The following MYH16 variants were observed in gnomAD, a reference collection of about 807,000 sequenced individuals.
MYH16 encodes the protein myosin heavy chain 16.
chr7:99,285,657 C>T (rs1043628490), intron 27 of MYH16, among the ~76,000 whole-genome samples: 12 of 152,168 alleles, frequency 7.9e-5, no homozygotes, highest in African/African-American at 2.9e-4. Flanking sequence ...GGCTTGAGTC[C>T]AGAGGAGAAG....
At chr7:99,273,377 A>G in exon 20 of MYH16, 1 of 456,740 alleles carries the variant, frequency 2.2e-6, no homozygotes, top group Non-Finnish European at 4.4e-6. Flanking sequence ...AACGTGCACA[A>G]GTTCCTGCAG....
chr7:99,246,251 AAAAAAACAGGT>A (rs1791728762), intron 2 of MYH16, among the ~76,000 whole-genome samples: 1 of 151,884 alleles, frequency 6.6e-6, no homozygotes, highest in African/African-American at 2.4e-5. Flanking sequence ...AGAAAGAAAG[AAAAAAACAGGT>A]AAAAAACAGG....
At chr7:99,274,669 CTTTTTT>C (rs745470963) in intron 20 of MYH16, among the ~76,000 whole-genome samples, 2 of 117,564 alleles carry the variant, frequency 1.7e-5, no homozygotes, top group African/African-American at 7.9e-5. Flanking sequence ...CATTAATTCA[CTTTTTT>C]TTTTTTTTTT....
chr7:99,259,287 T>C (rs919497447), intron 11 of MYH16, among the ~76,000 whole-genome samples: 6 of 152,120 alleles, frequency 3.9e-5, no homozygotes, highest in Admixed American at 2.0e-4. Flanking sequence ...TTTCCATCCC[T>C]GGAAAGAAAA....
intron 29 of MYH16, among the ~76,000 whole-genome samples, chr7:99,288,639 G>C (rs1200502534): frequency 6.6e-6 from 1 of 151,754 alleles, no homozygotes; most frequent in East Asian, 1.9e-4. Context: ...ATTGAGCCGA[G>C]ATTGCGCCAC....
chr7:99,266,439 G>A (rs1791987793), intron 17 of MYH16, among the ~76,000 whole-genome samples: 1 of 152,164 alleles, frequency 6.6e-6, no homozygotes, highest in Admixed American at 6.5e-5. Flanking sequence ...ATCAGGAAAG[G>A]TCACTAGAGG....
At chr7:99,298,567 T>C (rs1383974691) in intron 36 of MYH16, among the ~76,000 whole-genome samples, 1 of 152,200 alleles carries the variant, frequency 6.6e-6, no homozygotes, top group African/African-American at 2.4e-5. Context: ...TTAGCCATGA[T>C]GGTTAATGAA....
intron 20 of MYH16, among the ~76,000 whole-genome samples, chr7:99,273,878 GAAGGGAGAGATGA>G (rs1200646016): frequency 2.0e-5 from 3 of 151,398 alleles, no homozygotes; most frequent in African/African-American, 7.3e-5. Context: ...GAGAGGAAAG[GAAGGGAGAGATGA>G]AAGGGAGAGA....
intron 13 of MYH16, among the ~76,000 whole-genome samples, chr7:99,262,732 A>G (rs927931135): frequency 1.6e-4 from 24 of 152,180 alleles, no homozygotes; most frequent in Non-Finnish European, 3.5e-4. Flanking sequence ...AAATTAGTGG[A>G]TGTCCAAATA....
chr7:99,304,309 T>A (rs556059850), intron 39 of MYH16, among the ~76,000 whole-genome samples: 2 of 152,224 alleles, frequency 1.3e-5, no homozygotes, highest in African/African-American at 4.8e-5. Context: ...GTGCCCCTCA[T>A]GGAGACAGCA....
intron 33 of MYH16, among the ~76,000 whole-genome samples, chr7:99,294,500 C>CAAAAAAA (rs1159682450): frequency 2.5e-3 from 64 of 25,290 alleles, no homozygotes; most frequent in Middle Eastern, 0.029. Flanking sequence ...GACCCTGTCT[C>CAAAAAAA]AAAAAAAAAA....
chr7:99,264,539 T>C (rs1253521525), intron 15 of MYH16, among the ~76,000 whole-genome samples: 2 of 152,210 alleles, frequency 1.3e-5, no homozygotes, highest in Non-Finnish European at 2.9e-5. Context: ...TCACGCGAGA[T>C]AGCAATGCCC....
chr7:99,240,376 T>C (rs1037292878), intron 1 of MYH16, among the ~76,000 whole-genome samples: 1 of 152,130 alleles, frequency 6.6e-6, no homozygotes, highest in Admixed American at 6.6e-5. Context: ...CCGGCCACTT[T>C]TCCATTTAAG....
At chr7:99,304,098 A>G (rs1792646984) in intron 39 of MYH16, among the ~76,000 whole-genome samples, 1 of 152,158 alleles carries the variant, frequency 6.6e-6, no homozygotes, top group East Asian at 1.9e-4. Context: ...GTTCAGGAAC[A>G]TTGCTGGTCT....
chr7:99,269,738 C>T (rs759902866), intron 18 of MYH16, among the ~76,000 whole-genome samples: 42 of 152,154 alleles, frequency 2.8e-4, no homozygotes, highest in Non-Finnish European at 4.6e-4. Context: ...CTCATTGGTA[C>T]GTGACATTGT....
intron 29 of MYH16, among the ~76,000 whole-genome samples, 162 bp downstream of exon 10, chr7:99,288,299 G>T (rs1490529194): frequency 2.6e-5 from 4 of 151,972 alleles, no homozygotes; most frequent in Non-Finnish European, 5.9e-5. Context: ...ATTAGCCAGG[G>T]ATGGTAGCAT....
chr7:99,263,753 A>G (rs1791961864), intron 14 of MYH16, among the ~76,000 whole-genome samples: 1 of 152,134 alleles, frequency 6.6e-6, no homozygotes, highest in African/African-American at 2.4e-5. Context: ...TGACACCCAG[A>G]TGTTCTATGT....
In MYH16 at chr7:99,303,558, T is replaced by C. The variant is rs139134995; in HGVS notation, n.5263+368T>C. Among the ~76,000 whole-genome samples, 43 of 152,338 alleles carry C rather than the reference T, an allele frequency of 2.8e-4. No homozygotes were observed. The East Asian group carries it at 6.0e-3, about 21-fold the overall frequency. On this transcript the variant is annotated intron_variant and non_coding_transcript_variant, in intron 39 of 41. Coordinates refer to ENST00000439784, the Ensembl canonical transcript of MYH16. ...GCTCACGCTTGTAATCCCAGCACTT[T>C]GGGAGGCCAAGGCAGCAGGACTGCT... is the stretch of plus-strand genomic sequence containing the variant.
At chr7:99,260,288 T>A in exon 12 of MYH16, 2 of 1,558,546 alleles carry the variant, frequency 1.3e-6, no homozygotes, top group Non-Finnish European at 1.8e-6. Context: ...TGGGTCTTCA[T>A]CGACTTTGGC....
Sources: gnomAD v4.1 joint callset for allele counts (sites outside exome capture counted in the v4.1 genomes callset) on GRCh38, gnomAD v4.1.1 for gene constraint, MANE v1.5 for transcripts, NCBI Gene and HGNC (gene_info 2026-07-23, HGNC 2026-07-21) for gene names.